The following CEP20 variants were observed in gnomAD, a reference collection of about 807,000 sequenced individuals.
The protein encoded by CEP20 is FGFR1OP N-terminal like.
Under a neutral mutation model 20.0 loss-of-function variants are expected in CEP20, and 18 were observed. The ratio of observed to expected loss-of-function variants is 0.90; its 90% CI spans 0.62 to 1.34. The LOEUF (loss-of-function observed/expected upper bound fraction) is 1.34. Ranked by LOEUF, CEP20 falls within the 40% of genes most tolerant of loss-of-function variation. CEP20 has a pLI of 0.00. For synonymous variants in CEP20, 77 were observed against 73.7 expected, an observed-to-expected ratio of 1.04 and a Z score of -0.23; for missense variants, 215 against 201.6, an observed-to-expected ratio of 1.07 and a Z score of -0.40.
At chr16:15,867,876 G>A (rs979365014) in intron 4 of CEP20, among the ~76,000 whole-genome samples, 1 of 150,912 alleles carries the variant, frequency 6.6e-6, no homozygotes, top group Non-Finnish European at 1.5e-5. Flanking sequence ...GGGAGGCTGA[G>A]GCAGGAGAAT....
At chr16:15,888,439 G>A (rs2045298852) in intron 1 of CEP20, 119 bp downstream of exon 1, 1 of 1,360,142 alleles carries the variant, frequency 7.4e-7, no homozygotes, top group African/African-American at 1.4e-5. Flanking sequence ...CCCTCACACC[G>A]AAGAATGACG....
intron 1 of CEP20, 114 bp downstream of exon 1, chr16:15,888,444 A>C: frequency 1.4e-6 from 2 of 1,388,876 alleles, no homozygotes; most frequent in South Asian, 2.4e-5. Flanking sequence ...ACACCGAAGA[A>C]TGACGCCTGT....
chr16:15,867,566 C>G, intron 4 of CEP20, 50 bp from the exon 5 acceptor site: 1 of 1,252,116 alleles, frequency 8.0e-7, no homozygotes, highest in Non-Finnish European at 1.1e-6. Flanking sequence ...TCAAAACACA[C>G]AGATAGGTAG....
At chr16:15,867,755 CT>C (rs2044715002) in intron 4 of CEP20, among the ~76,000 whole-genome samples, 1 of 151,962 alleles carries the variant, frequency 6.6e-6, no homozygotes, top group Non-Finnish European at 1.5e-5. Context: ...GGTGGATCAC[CT>C]GAGGTCAAGA....
intron 2 of CEP20, among the ~76,000 whole-genome samples, chr16:15,881,037 A>G (rs2045085153): frequency 6.6e-6 from 1 of 152,110 alleles, no homozygotes; most frequent in South Asian, 2.1e-4. Flanking sequence ...AAAATGCACA[A>G]TAAATGGAGT....
Position 15,884,075 on chromosome 16 carries a change from A to G in CEP20, c.159T>C (p.Ile53=). The stretch of plus-strand genomic sequence containing the variant: ...CTAAATACTCTCGAATTAATTCATT[A>G]ATTAGAAGGTTTTCATGAGACAATG... ...RPSLSHENLL[I]NELIREYLEF... Residue 53 remains isoleucine (I), a synonymous_variant, in exon 2 of 5, where the codon ATT becomes ATC. Coordinates refer to ENST00000255759, the MANE Select transcript of CEP20 (RefSeq NM_144600.4). 6.2e-7 allele frequency: 1 copy of G among 1,614,022 alleles called. No homozygotes were observed. Among genetic ancestry groups the G allele is most frequent in the East Asian group, 2.2e-5 (1 of 44,874 alleles).
At chr16:15,868,291 C>T (rs747765285) in intron 4 of CEP20, among the ~76,000 whole-genome samples, 5 of 151,962 alleles carry the variant, frequency 3.3e-5, no homozygotes, top group Non-Finnish European at 5.9e-5. Flanking sequence ...GGCGTGGTGG[C>T]GGGCACCTAC....
At chr16:15,867,743 T>C (rs888837087) in intron 4 of CEP20, among the ~76,000 whole-genome samples, 2 of 151,954 alleles carry the variant, frequency 1.3e-5, no homozygotes, top group African/African-American at 4.8e-5. Context: ...GAGGCCGAGG[T>C]GGGTGGATCA....
intron 3 of CEP20, among the ~76,000 whole-genome samples, chr16:15,875,791 TCTTA>T (rs1189493550): frequency 3.9e-5 from 6 of 152,124 alleles, no homozygotes; most frequent in African/African-American, 1.4e-4. Context: ...ACAGACTTTA[TCTTA>T]CTTTGTGTGA....
At chr16:15,886,315 A>G (rs1240960435) in intron 1 of CEP20, among the ~76,000 whole-genome samples, 1 of 152,184 alleles carries the variant, frequency 6.6e-6, no homozygotes, top group East Asian at 1.9e-4. Flanking sequence ...CTTTCCCCTC[A>G]TTTTTAAAGC....
chr16:15,877,692 G>A (rs1453718874), intron 3 of CEP20, among the ~76,000 whole-genome samples: 3 of 152,060 alleles, frequency 2.0e-5, no homozygotes, highest in Non-Finnish European at 4.4e-5. Context: ...TGGGAGAATC[G>A]CTTGAGCCCA....
chr16:15,870,541 C>A (rs559466411), intron 4 of CEP20, among the ~76,000 whole-genome samples: 1 of 151,990 alleles, frequency 6.6e-6, no homozygotes, highest in South Asian at 2.1e-4. Flanking sequence ...AATGTGTGGA[C>A]AAAGATACAA....
At chr16:15,871,776 T>C (rs993091576) in intron 4 of CEP20, among the ~76,000 whole-genome samples, 1 of 152,178 alleles carries the variant, frequency 6.6e-6, no homozygotes, top group Non-Finnish European at 1.5e-5. Context: ...GAAAGATATC[T>C]CCTAGTGCAG....
At position 15,867,426 on chromosome 16, in the gene CEP20, C is replaced by T; in HGVS notation, c.*14G>A. 1.9e-6 allele frequency: 3 copies of T among 1,562,352 alleles called. No homozygotes were observed. Among genetic ancestry groups the T allele is most frequent in the East Asian group, 2.3e-5 (1 of 43,958 alleles). On this transcript the variant is annotated 3_prime_UTR_variant, in exon 5 of 5. Coordinates refer to ENST00000255759, the MANE Select transcript of CEP20 (RefSeq NM_144600.4). ...TAATACAATTTTAAGACAAAAGATA[C>T]CCCAAACAAAGCATTATCTGTTGAC...
chr16:15,869,772 G>A (rs1323070688), intron 4 of CEP20, among the ~76,000 whole-genome samples: 1 of 152,220 alleles, frequency 6.6e-6, no homozygotes, highest in East Asian at 1.9e-4. Flanking sequence ...CAGTAAGCTA[G>A]AGTTGAGGAA....
chr16:15,886,883 TTTTTA>T (rs1408408207), intron 1 of CEP20, among the ~76,000 whole-genome samples: 4 of 151,386 alleles, frequency 2.6e-5, no homozygotes, highest in South Asian at 2.1e-4. Context: ...AAGAGTACCT[TTTTTA>T]TTTTATTTTT....
chr16:15,874,591 C>T (rs2044898993), intron 3 of CEP20, among the ~76,000 whole-genome samples: 1 of 152,136 alleles, frequency 6.6e-6, no homozygotes, highest in Non-Finnish European at 1.5e-5. Flanking sequence ...CCTTTGTTTC[C>T]AATCTCAAAT....
intron 2 of CEP20, among the ~76,000 whole-genome samples, chr16:15,880,208 A>G (rs1356492920): frequency 6.6e-6 from 1 of 152,236 alleles, no homozygotes; most frequent in Non-Finnish European, 1.5e-5. Flanking sequence ...TTTGAAAAGA[A>G]TATCCACTTG....
intron 2 of CEP20, among the ~76,000 whole-genome samples, chr16:15,881,676 G>A (rs559494177): frequency 6.6e-6 from 1 of 151,882 alleles, no homozygotes; most frequent in South Asian, 2.1e-4. Flanking sequence ...CCAAGTCCAG[G>A]GGTAACCAGG....
Sources: gnomAD v4.1 joint callset for allele counts (sites outside exome capture counted in the v4.1 genomes callset) on GRCh38, gnomAD v4.1.1 for gene constraint, MANE v1.5 for transcripts, NCBI Gene and HGNC (gene_info 2026-07-23, HGNC 2026-07-21) for gene names.